Variants in CRB1 observed in about 807,000 individuals in gnomAD.
CRB1 encodes protein crumbs homolog 1.
CRB1 carries 83 observed loss-of-function variants against 120.0 expected under a neutral mutation model. That is an observed-to-expected ratio of 0.69 (90% CI 0.58 to 0.83). The LOEUF is 0.83. Among genes scored for constraint, CRB1 ranks in the 40% least tolerant of loss-of-function variants. The pLI is 0.00. For synonymous variants in CRB1, 625 were observed against 612.5 expected (o/e 1.02, Z -0.30); for missense variants, 1,699 against 1,687.6 (o/e 1.01, Z -0.12).
rs190060402 is a variant in CRB1, at chr1:197,381,438, C to T, written c.1171+24425C>T. 9.3e-4 allele frequency among the ~76,000 whole-genome samples: 142 copies of T among 152,234 alleles called. No homozygotes were observed. The Middle Eastern group carries it at 0.01, about 11-fold the overall frequency. On this transcript the variant is annotated intron_variant, in intron 5 of 11. Transcript: ENST00000367400. ...AAACATAGAATTCTCCTTTCAGTGGCACAGAATTGGTAATTATTTTCTTTA... is the reference window on the plus strand; with the variant it reads ...AAACATAGAATTCTCCTTTCAGTGGTACAGAATTGGTAATTATTTTCTTTA...
intron 2 of CRB1, among the ~76,000 whole-genome samples, chr1:197,341,629 A>T (rs765396009): frequency 5.0e-4 from 76 of 152,246 alleles, no homozygotes; most frequent in East Asian, 3.9e-4. Flanking sequence ...CACAGGGAAA[A>T]ATCTTTCTGA....
intron 5 of CRB1, among the ~76,000 whole-genome samples, chr1:197,408,904 T>A (rs1212108569): frequency 1.3e-5 from 2 of 152,186 alleles, no homozygotes; most frequent in Admixed American, 1.3e-4. Context: ...TAACTAAAAA[T>A]CACTTACCTA....
intron 1 of CRB1, among the ~76,000 whole-genome samples, chr1:197,282,420 T>C (rs1318362159): frequency 6.6e-6 from 1 of 151,848 alleles, no homozygotes; most frequent in Non-Finnish European, 1.5e-5. Flanking sequence ...CCAGTAACTC[T>C]TCTAGGAGAA....
At chr1:197,364,142 T>C in intron 5 of CRB1, 1 of 680,518 alleles carries the variant, frequency 1.5e-6, no homozygotes, top group Non-Finnish European at 2.4e-6. Context: ...TATGAAACCC[T>C]CATCCAGTTT....
intron 2 of CRB1, among the ~76,000 whole-genome samples, chr1:197,333,360 C>CT (rs1193573717): frequency 4.6e-5 from 7 of 152,138 alleles, no homozygotes; most frequent in African/African-American, 1.4e-4. Context: ...TGGATGCAAA[C>CT]TTTTTTAATG....
At chr1:197,203,020 A>G in the CRB1 span, among the ~76,000 whole-genome samples, 3 of 151,964 alleles carry the variant, frequency 2.0e-5, no homozygotes, top group African/African-American at 7.3e-5. Context: ...AGAGAGATAC[A>G]ACTGAATTGG....
intron 11 of CRB1, among the ~76,000 whole-genome samples, chr1:197,464,363 GCCTAGTGA>G (rs1267966395): frequency 1.3e-5 from 2 of 152,126 alleles, no homozygotes; most frequent in African/African-American, 2.4e-5. Context: ...GATTTTTCAG[GCCTAGTGA>G]CTAATCATGG....
Position 197,405,753 on chromosome 1 carries a change from C to T in CRB1, c.1172-15247C>T, listed in dbSNP as rs564177279. Among the ~76,000 whole-genome samples, 4 of 151,664 alleles carry T rather than the reference C, an allele frequency of 2.6e-5. No homozygotes were observed. In the South Asian group the frequency reaches 8.4e-4, roughly 32 times the overall value. ...CCTGTCTGAGAAGTGAGGAGACCCTCCGCCTGGCAACCGCCCCATCTGAGA... is the reference window on the plus strand; with the variant it reads ...CCTGTCTGAGAAGTGAGGAGACCCTTCGCCTGGCAACCGCCCCATCTGAGA... On this transcript the variant is annotated intron_variant, in intron 5 of 11. Transcript: ENST00000367400.
At chr1:197,302,556 G>A (rs1400329923) in intron 1 of CRB1, among the ~76,000 whole-genome samples, 1 of 152,150 alleles carries the variant, frequency 6.6e-6, no homozygotes, top group Non-Finnish European at 1.5e-5. Context: ...ACAAGATGGG[G>A]CCAAAAAATG....
At chr1:197,375,326 A>G (rs189892909) in intron 5 of CRB1, among the ~76,000 whole-genome samples, 19 of 152,300 alleles carry the variant, frequency 1.2e-4, no homozygotes, top group Admixed American at 1.2e-3. Context: ...GTGATTTGCT[A>G]GATGGATGGT....
intron 5 of CRB1, among the ~76,000 whole-genome samples, chr1:197,358,788 C>T (rs904380577): frequency 9.8e-6 from 1 of 102,430 alleles, no homozygotes; most frequent in African/African-American, 2.5e-5. Context: ...TCTCTTTTAC[C>T]CACATATTAC....
At chr1:197,416,420 A>C (rs1664005062) in intron 5 of CRB1, among the ~76,000 whole-genome samples, 2 of 152,158 alleles carry the variant, frequency 1.3e-5, no homozygotes, top group South Asian at 4.1e-4. Context: ...TGTACAATGC[A>C]TTTTCATAAA....
At chr1:197,284,634 T>A (rs763163504) in intron 1 of CRB1, among the ~76,000 whole-genome samples, 1 of 151,880 alleles carries the variant, frequency 6.6e-6, no homozygotes, top group Non-Finnish European at 1.5e-5. Flanking sequence ...AAATCAGAGG[T>A]CTAGTCTTCA....
intron 5 of CRB1, among the ~76,000 whole-genome samples, chr1:197,379,543 G>A (rs1466207881): frequency 7.3e-5 from 9 of 123,698 alleles, no homozygotes; most frequent in Admixed American, 1.1e-4. Flanking sequence ...CTCGTGATCC[G>A]CCCACCTCAG....
At chr1:197,469,729 G>T (rs1283510928) in intron 11 of CRB1, among the ~76,000 whole-genome samples, 1 of 152,154 alleles carries the variant, frequency 6.6e-6, no homozygotes, top group African/African-American at 2.4e-5. Flanking sequence ...GAAACAAAAA[G>T]AATAATTCAC....
rs1658693281 is a variant in CRB1, at chr1:197,328,920, G to A, written c.569G>A (p.Cys190Tyr). ...CACTGCGACTTGGAAGTGGATGAAT[G>A]TGCTTCAGATCCCTGCAAGAACGAG... ...GRHCDLEVDE[C>Y]ASDPCKNEAT... The change falls in exon 2 of 12, where the codon TGT (cysteine) becomes TAT (tyrosine). Residue 190 changes from cysteine to tyrosine, a missense_variant. By Grantham distance (194) the Cys-to-Tyr change is radical. Coordinates refer to ENST00000367400, the MANE Select transcript of CRB1 (RefSeq NM_201253.3). 1 of 1,614,224 alleles carries A rather than the reference G, an allele frequency of 6.2e-7. No homozygotes were observed. The highest frequency in any genetic ancestry group is 8.5e-7 in the Non-Finnish European group (1 of 1,180,046).
At chr1:197,230,402 AACC>A in the CRB1 span, among the ~76,000 whole-genome samples, 1 of 152,154 alleles carries the variant, frequency 6.6e-6, no homozygotes, top group Non-Finnish European at 1.5e-5. Flanking sequence ...TTATTTTTTT[AACC>A]ACCTTTGATA....
intron 1 of CRB1, among the ~76,000 whole-genome samples, chr1:197,309,363 T>A (rs1376890229): frequency 6.6e-6 from 1 of 152,112 alleles, no homozygotes; most frequent in East Asian, 1.9e-4. Flanking sequence ...TGGACTAACA[T>A]AACACCTTCT....
chr1:197,293,743 C>T (rs542085262), intron 1 of CRB1, among the ~76,000 whole-genome samples: 1 of 152,136 alleles, frequency 6.6e-6, no homozygotes, highest in East Asian at 1.9e-4. Context: ...GAACAGAGCC[C>T]TCAGAAATAA....
Sources: gnomAD v4.1 joint callset for allele counts (sites outside exome capture counted in the v4.1 genomes callset) on GRCh38, gnomAD v4.1.1 for gene constraint, MANE v1.5 for transcripts, NCBI Gene and HGNC (gene_info 2026-07-23, HGNC 2026-07-21) for gene names.